The following WWOX variants were observed in gnomAD, a reference collection of about 807,000 sequenced individuals.
WWOX encodes the protein WW domain containing oxidoreductase.
WWOX carries 69 observed loss-of-function variants against 46.2 expected under a neutral mutation model. The ratio of observed to expected loss-of-function variants is 1.49; its 90% CI spans 1.23 to 1.82. The LOEUF (loss-of-function observed/expected upper bound fraction) is 1.82, where lower values mean the gene tolerates loss of function less well. Ranked by LOEUF, WWOX falls within the 40% of genes most tolerant of loss-of-function variation. The pLI is 0.00. For synonymous variants in WWOX, 359 were observed against 202.6 expected, an observed-to-expected ratio of 1.77 and a Z score of -6.56; for missense variants, 919 against 542.6, an observed-to-expected ratio of 1.69 and a Z score of -6.89.
intron 8 of WWOX, among the ~76,000 whole-genome samples, chr16:78,701,879 G>T (rs1226297129): frequency 1.3e-5 from 2 of 151,152 alleles, no homozygotes; most frequent in South Asian, 2.1e-4. Context: ...AAGGGAAAAG[G>T]CCCCAGTAAT....
At chr16:78,981,312 A>G (rs1335767703) in intron 8 of WWOX, among the ~76,000 whole-genome samples, 2 of 152,132 alleles carry the variant, frequency 1.3e-5, no homozygotes, top group East Asian at 1.9e-4. Flanking sequence ...GGGAATAACC[A>G]AAAATGCTGG....
chr16:78,931,823 G>C (rs1187988223), intron 8 of WWOX, among the ~76,000 whole-genome samples: 1 of 152,142 alleles, frequency 6.6e-6, no homozygotes, highest in African/African-American at 2.4e-5. Flanking sequence ...TTGAACTTTA[G>C]CTCCCATAAT....
intron 8 of WWOX, among the ~76,000 whole-genome samples, chr16:79,015,138 A>G (rs1466493628): frequency 6.6e-6 from 1 of 152,140 alleles, no homozygotes; most frequent in Non-Finnish European, 1.5e-5. Flanking sequence ...GTGATTTGCC[A>G]TTGGGTTGGA....
Position 78,188,210 on chromosome 16 carries a change from C to T in WWOX, c.516+23921C>T, listed in dbSNP as rs578230704. Among the ~76,000 whole-genome samples, 17 of 152,180 alleles carry T rather than the reference C, an allele frequency of 1.1e-4. No homozygotes were observed. The East Asian group carries it at 3.1e-3, about 28-fold the overall frequency. ...ACATAGAATAGATTGCTTGCCTTGG[C>T]CGGGCGCGGGAGCTCACACCTGTAA... On this transcript the variant is annotated intron_variant, in intron 5 of 8. Coordinates refer to ENST00000566780, the MANE Select transcript of WWOX (RefSeq NM_016373.4).
chr16:78,899,431 T>G (rs2044773799), intron 8 of WWOX: 1 of 152,220 alleles, frequency 6.6e-6, no homozygotes, highest in African/African-American at 2.4e-5. Context: ...TATGTCACTT[T>G]CCTTTATCTG....
intron 8 of WWOX, among the ~76,000 whole-genome samples, chr16:78,465,500 A>T (rs1475483713): frequency 6.6e-6 from 1 of 152,150 alleles, no homozygotes; most frequent in Non-Finnish European, 1.5e-5. Context: ...TTTGTTAAAG[A>T]ACTGTCTGTT....
intron 8 of WWOX, among the ~76,000 whole-genome samples, chr16:78,885,829 G>C (rs995860831): frequency 6.6e-6 from 1 of 151,958 alleles, no homozygotes; most frequent in East Asian, 1.9e-4. Flanking sequence ...TTAAAGAACA[G>C]CTGGCTTACC....
intron 8 of WWOX, among the ~76,000 whole-genome samples, chr16:79,145,226 T>G (rs910078888): frequency 6.6e-6 from 1 of 152,214 alleles, no homozygotes; most frequent in Non-Finnish European, 1.5e-5. Flanking sequence ...AAGAACAATT[T>G]TATGGTTCTA....
intron 8 of WWOX, among the ~76,000 whole-genome samples, chr16:78,547,419 G>A (rs1597247272): frequency 6.6e-6 from 1 of 152,244 alleles, no homozygotes; most frequent in African/African-American, 2.4e-5. Context: ...CCAAATGCCA[G>A]GTTTCAATGA....
intron 5 of WWOX, among the ~76,000 whole-genome samples, chr16:78,321,637 C>T (rs1007781145): frequency 6.6e-6 from 1 of 152,070 alleles, no homozygotes; most frequent in East Asian, 1.9e-4. Flanking sequence ...TCTTATTACT[C>T]TGTCATTTTC....
At chr16:79,032,746 A>G (rs1394787021) in intron 8 of WWOX, among the ~76,000 whole-genome samples, 1 of 151,468 alleles carries the variant, frequency 6.6e-6, no homozygotes, top group African/African-American at 2.4e-5. Flanking sequence ...GCCTAGTACC[A>G]GGGTTCTTCT....
At chr16:78,432,357 A>C (rs944508510) in intron 7 of WWOX, 131 bp from the exon 8 acceptor site, 16 of 1,251,264 alleles carry the variant, frequency 1.3e-5, no homozygotes, top group Non-Finnish European at 1.7e-5. Flanking sequence ...CCACTCGTCT[A>C]AGACTCCCAA....
intron 1 of WWOX, among the ~76,000 whole-genome samples, chr16:78,103,842 G>T (rs1016866857): frequency 2.6e-5 from 4 of 151,838 alleles, no homozygotes; most frequent in Non-Finnish European, 5.9e-5. Flanking sequence ...GGTGGAACCC[G>T]GTCTTGTGTG....
intron 8 of WWOX, among the ~76,000 whole-genome samples, chr16:79,091,775 C>CTTTTTTTTTTTTTTTT (rs771753213): frequency 4.7e-5 from 6 of 126,852 alleles, no homozygotes; most frequent in Admixed American, 8.1e-5. Context: ...CTTTTCTTTT[C>CTTTTTTTTTTTTTTTT]TTTGTTTTTT....
chr16:78,676,424 T>A (rs2047601730), intron 8 of WWOX, among the ~76,000 whole-genome samples: 1 of 149,828 alleles, frequency 6.7e-6, no homozygotes, highest in Non-Finnish European at 1.5e-5. Flanking sequence ...TTTTTTTAAC[T>A]CTGGGAGTTC....
intron 5 of WWOX, among the ~76,000 whole-genome samples, chr16:78,362,251 T>A (rs975036552): frequency 6.6e-6 from 1 of 152,094 alleles, no homozygotes; most frequent in African/African-American, 2.4e-5. Flanking sequence ...CTTGTCCGTC[T>A]TGCTTGTAGG....
intron 8 of WWOX, among the ~76,000 whole-genome samples, chr16:79,040,870 G>C (rs1403866730): frequency 6.6e-6 from 1 of 152,030 alleles, no homozygotes; most frequent in African/African-American, 2.4e-5. Flanking sequence ...AACTTAGCTA[G>C]CTGTTGCCCA....
chr16:78,784,225 A>G (rs1442371727), intron 8 of WWOX, among the ~76,000 whole-genome samples: 1 of 152,148 alleles, frequency 6.6e-6, no homozygotes, highest in African/African-American at 2.4e-5. Context: ...AGATACTATT[A>G]TCCTCCTTTT....
At chr16:78,471,327 A>G (rs944694446) in intron 8 of WWOX, among the ~76,000 whole-genome samples, 19 of 152,230 alleles carry the variant, frequency 1.2e-4, no homozygotes, top group African/African-American at 3.4e-4. Flanking sequence ...GCCCTCGGAG[A>G]TGAGGATGCT....
Sources: allele counts gnomAD v4.1 joint callset (sites outside exome capture counted in the v4.1 genomes callset), GRCh38; gene constraint gnomAD v4.1.1; transcripts MANE v1.5; gene names NCBI Gene and HGNC (gene_info 2026-07-23, HGNC 2026-07-21).